PTPN13: variants seen among roughly 807,000 people sequenced by gnomAD.
The protein encoded by PTPN13 is protein tyrosine phosphatase non-receptor type 13, also known as tyrosine-protein phosphatase non-receptor type 13.
A neutral mutation model predicts 284.0 loss-of-function variants in PTPN13; 191 were observed. The observed-to-expected ratio is 0.67, with a 90% CI of 0.60 to 0.76. The LOEUF (loss-of-function observed/expected upper bound fraction) is 0.76, where lower values mean the gene tolerates loss of function less well. Ranked by LOEUF, PTPN13 falls within the 30% of genes least tolerant of loss-of-function variation. The probability of loss-of-function intolerance (pLI) is 0.00; values close to 1 mark genes in which losing one functional copy is unlikely to be tolerated. For synonymous variants in PTPN13, 986 were observed against 1,022.3 expected, an observed-to-expected ratio of 0.96 and a Z score of 0.68; for missense variants, 2,797 against 2,939.9, an observed-to-expected ratio of 0.95 and a Z score of 1.12.
chr4:86,748,436 C>T (rs1737020898), intron 17 of PTPN13, among the ~76,000 whole-genome samples: 1 of 152,120 alleles, frequency 6.6e-6, no homozygotes, highest in Admixed American at 6.5e-5. Flanking sequence ...AGCATACTCC[C>T]TAATATGTTC....
intron 7 of PTPN13, among the ~76,000 whole-genome samples, chr4:86,706,327 A>G (rs552791079): frequency 3.3e-5 from 5 of 152,320 alleles, no homozygotes; most frequent in Non-Finnish European, 5.9e-5. Context: ...ATGGTTGAAA[A>G]GATGTTGTTA....
intron 1 of PTPN13, among the ~76,000 whole-genome samples, chr4:86,624,054 A>G (rs1226097481): frequency 6.6e-6 from 1 of 152,196 alleles, no homozygotes; most frequent in Non-Finnish European, 1.5e-5. Flanking sequence ...ATAAAAACCT[A>G]GCACCTATCA....
chr4:86,622,530 A>C (rs1371309035), intron 1 of PTPN13, among the ~76,000 whole-genome samples: 2 of 152,220 alleles, frequency 1.3e-5, no homozygotes, highest in African/African-American at 2.4e-5. Flanking sequence ...CTTTAAAAAT[A>C]TAACCAATAA....
chr4:86,715,726 T>C (rs888422117), intron 7 of PTPN13, among the ~76,000 whole-genome samples: 6 of 152,238 alleles, frequency 3.9e-5, no homozygotes, highest in Admixed American at 6.5e-5. Context: ...CAGATTTTCA[T>C]TTCTGGGAAG....
chr4:86,741,587 C>T (rs1189692307), intron 15 of PTPN13, 47 bp from the exon 16 acceptor site: 1 of 1,514,860 alleles, frequency 6.6e-7, no homozygotes, highest in South Asian at 1.2e-5. Flanking sequence ...ATCTTTATGT[C>T]ACCATTTACC....
At chr4:86,665,772 T>A (rs987530605) in intron 2 of PTPN13, among the ~76,000 whole-genome samples, 1 of 152,140 alleles carries the variant, frequency 6.6e-6, no homozygotes, top group African/African-American at 2.4e-5. Context: ...GAGAATTAGA[T>A]CTATTATTCT....
chr4:86,625,576 ATG>A lies in PTPN13; in HGVS notation c.-5-9666_-5-9665del, dbSNP rs1276890616. ...TTTGTTTGCTTATTTTTTTGTGTGT[ATG>A]TGTGTGTGTTTAATGTCTGGTACCA... On this transcript the variant is annotated intron_variant, in intron 1 of 47. Coordinates refer to ENST00000411767, the MANE Select transcript of PTPN13 (RefSeq NM_080683.3). Among the ~76,000 whole-genome samples the A allele has an allele frequency of 3.3e-5, 5 of 152,056 alleles. 1 individual carries two copies. Among genetic ancestry groups the A allele is most frequent in the South Asian group, 4.1e-4 (2 of 4,820 alleles).
intron 47 of PTPN13, among the ~76,000 whole-genome samples, chr4:86,812,417 T>C (rs1158049245): frequency 6.6e-6 from 1 of 151,690 alleles, no homozygotes. Flanking sequence ...TGCAGGATAC[T>C]GATAAGGATG....
intron 1 of PTPN13, among the ~76,000 whole-genome samples, chr4:86,604,621 C>T (rs189962083): frequency 2.4e-3 from 360 of 151,906 alleles, no homozygotes; most frequent in South Asian, 8.3e-3. Context: ...TCCGCCATGT[C>T]CCCTTGAATA....
At chr4:86,636,275 G>A (rs1209369957) in intron 2 of PTPN13, among the ~76,000 whole-genome samples, 1 of 152,168 alleles carries the variant, frequency 6.6e-6, no homozygotes, top group Non-Finnish European at 1.5e-5. Context: ...TGTGGAGGAG[G>A]TCACTTGGTC....
chr4:86,778,773 G>C (rs1167972261), intron 35 of PTPN13, among the ~76,000 whole-genome samples: 5 of 151,964 alleles, frequency 3.3e-5, no homozygotes, highest in African/African-American at 4.8e-5. Flanking sequence ...GTTGGCCCGG[G>C]GCGTTAAATT....
chr4:86,690,951 C>G (rs779205029), intron 5 of PTPN13, among the ~76,000 whole-genome samples: 17 of 151,830 alleles, frequency 1.1e-4, no homozygotes, highest in Non-Finnish European at 2.2e-4. Flanking sequence ...ATCTAAAATG[C>G]CATAACCATT....
At chr4:86,676,256 C>T (rs934549761) in intron 3 of PTPN13, among the ~76,000 whole-genome samples, 2 of 152,106 alleles carry the variant, frequency 1.3e-5, no homozygotes, top group African/African-American at 4.8e-5. Context: ...TGACACAGTC[C>T]AATATGTAAT....
intron 23 of PTPN13, among the ~76,000 whole-genome samples, 196 bp from the exon 24 acceptor site, chr4:86,762,531 G>A (rs1738815630): frequency 6.6e-6 from 1 of 152,172 alleles, no homozygotes; most frequent in African/African-American, 2.4e-5. Context: ...GGTGAAAGGG[G>A]TATGCATTTC....
At position 86,757,127 on chromosome 4, in the gene PTPN13, A is replaced by G. The variant is rs540507154; in HGVS notation, c.3224-1133A>G. 4.6e-5 allele frequency among the ~76,000 whole-genome samples: 7 copies of G among 152,262 alleles called. No individual in the cohort carries two copies. The South Asian group carries it at 1.2e-3, about 27-fold the overall frequency. ...AAGTAGATGAATTAACTTGATAAACATGTCAATTAAGTGTCATATTTATTG... is the reference window on the plus strand; with the variant it reads ...AAGTAGATGAATTAACTTGATAAACGTGTCAATTAAGTGTCATATTTATTG... On this transcript the variant is annotated intron_variant, in intron 20 of 47. Transcript: ENST00000411767.
chr4:86,785,188 A>G (rs1741751878), intron 38 of PTPN13, 43 bp from the exon 39 acceptor site: 7 of 1,398,364 alleles, frequency 5.0e-6, no homozygotes, highest in South Asian at 1.4e-5. Flanking sequence ...TCTCGTGTCA[A>G]TATTTTTAAA....
chr4:86,695,120 A>G (rs993367660), intron 6 of PTPN13, among the ~76,000 whole-genome samples: 1 of 152,176 alleles, frequency 6.6e-6, no homozygotes, highest in Non-Finnish European at 1.5e-5. Flanking sequence ...ACAGTTAAGT[A>G]TCTGTTTTGG....
chr4:86,800,833 A>T (rs1743944151), intron 42 of PTPN13, among the ~76,000 whole-genome samples: 1 of 152,206 alleles, frequency 6.6e-6, no homozygotes, highest in Admixed American at 6.5e-5. Context: ...GCCCTTGCTC[A>T]TCCACCCAGC....
At chr4:86,695,476 A>C (rs1305265550) in intron 6 of PTPN13, among the ~76,000 whole-genome samples, 1 of 152,024 alleles carries the variant, frequency 6.6e-6, no homozygotes, top group Non-Finnish European at 1.5e-5. Flanking sequence ...TAATTGATCA[A>C]ATTTGCAGTC....
Sources: gnomAD v4.1 joint callset for allele counts (sites outside exome capture counted in the v4.1 genomes callset) on GRCh38, gnomAD v4.1.1 for gene constraint, MANE v1.5 for transcripts, NCBI Gene and HGNC (gene_info 2026-07-23, HGNC 2026-07-21) for gene names.